ANAPC1: variants seen among roughly 807,000 people sequenced by gnomAD.
The protein encoded by ANAPC1 is anaphase promoting complex subunit 1.
Under a neutral mutation model 208.0 loss-of-function variants are expected in ANAPC1, and 36 were observed. The observed-to-expected ratio is 0.17, with a 90% confidence interval of 0.13 to 0.23. The LOEUF (loss-of-function observed/expected upper bound fraction) is 0.23. Among genes scored for constraint, ANAPC1 ranks in the 10% least tolerant of loss-of-function variants. ANAPC1 has a pLI of 1.00. For synonymous variants in ANAPC1, 378 were observed against 695.2 expected, an observed-to-expected ratio of 0.54 and a Z score of 7.18; for missense variants, 942 against 2,011.6, an observed-to-expected ratio of 0.47 and a Z score of 10.17.
At chr2:111,841,429 G>A (rs894167967) in intron 17 of ANAPC1, among the ~76,000 whole-genome samples, 1 of 122,576 alleles carries the variant, frequency 8.2e-6, no homozygotes, top group Non-Finnish European at 1.8e-5. Flanking sequence ...TATAGAGACA[G>A]GACAGGCAGC....
Position 111,850,821 on chromosome 2 carries a change from A to G in ANAPC1, c.1605T>C (p.Val535=). The G allele has an allele frequency of 6.2e-7, 1 of 1,612,030 alleles. No homozygotes were observed. Among genetic ancestry groups the G allele is most frequent in the Non-Finnish European group, 8.5e-7 (1 of 1,179,872 alleles). The change falls in exon 14 of 48, where the codon GTT becomes GTC. Residue 535 remains valine (V), a synonymous_variant. Coordinates refer to ENST00000341068, the MANE Select transcript of ANAPC1 (RefSeq NM_022662.4). ...GTTTACTAAGAGGCTTTGGAGTACTAACGCCATCTAGTGGAGTACTGGGCC... is the reference window on the plus strand; with the variant it reads ...GTTTACTAAGAGGCTTTGGAGTACTGACGCCATCTAGTGGAGTACTGGGCC... ...MPRPSTPLDG[V]STPKPLSKLL... is the part of the protein sequence containing the mutation.
chr2:111,850,964 T>C, intron 13 of ANAPC1, 54 bp from the exon 14 acceptor site: 1 of 1,560,668 alleles, frequency 6.4e-7, no homozygotes, highest in Non-Finnish European at 8.6e-7. Flanking sequence ...ATGCATCATA[T>C]CCTTAAATAA....
intron 3 of ANAPC1, among the ~76,000 whole-genome samples, chr2:111,876,840 G>T (rs1469343971): frequency 8.7e-6 from 1 of 114,616 alleles, no homozygotes; most frequent in Non-Finnish European, 2.0e-5. Flanking sequence ...CTTAACATTA[G>T]TCAAAGCCTC....
intron 18 of ANAPC1, among the ~76,000 whole-genome samples, chr2:111,837,869 G>A (rs1407667765): frequency 1.3e-5 from 2 of 152,048 alleles, no homozygotes; most frequent in Admixed American, 6.5e-5. Flanking sequence ...AAGGTCACTT[G>A]ACGTCAGGAG....
chr2:111,878,616 GTGA>G (rs1387910757), intron 3 of ANAPC1, among the ~76,000 whole-genome samples, 191 bp downstream of exon 3: 1 of 152,236 alleles, frequency 6.6e-6, no homozygotes, highest in South Asian at 2.1e-4. Context: ...TGTAAAAAAA[GTGA>G]TGATATAAAA....
intron 2 of ANAPC1, among the ~76,000 whole-genome samples, chr2:111,879,216 C>A (rs1362598653): frequency 2.6e-5 from 4 of 152,124 alleles, no homozygotes; most frequent in Non-Finnish European, 5.9e-5. Context: ...CTGCCAAAAA[C>A]AAAAACGAAC....
intron 46 of ANAPC1, among the ~76,000 whole-genome samples, chr2:111,772,940 C>T (rs1676822418): frequency 6.6e-6 from 1 of 151,054 alleles, no homozygotes; most frequent in Non-Finnish European, 1.5e-5. Context: ...CCACTCCATG[C>T]ACAGAGCACA....
intron 29 of ANAPC1, among the ~76,000 whole-genome samples, chr2:111,807,506 A>T (rs4848181): frequency 6.6e-6 from 1 of 152,012 alleles, no homozygotes; most frequent in African/African-American, 2.4e-5. Flanking sequence ...CCTGGCTAAC[A>T]CCATGAAACC....
At chr2:111,838,546 C>T (rs1391747309) in intron 17 of ANAPC1, 34 bp from the exon 18 acceptor site, 1 of 1,546,116 alleles carries the variant, frequency 6.5e-7, no homozygotes, top group Non-Finnish European at 8.8e-7. Flanking sequence ...AGATAAAAAT[C>T]GTAAATGCAT....
At chr2:111,791,519 T>C (rs911044681) in intron 38 of ANAPC1, among the ~76,000 whole-genome samples, 9 of 152,038 alleles carry the variant, frequency 5.9e-5, no homozygotes, top group Admixed American at 4.6e-4. Context: ...AGCATATCCA[T>C]CAATGGGGGA....
chr2:111,877,127 A>G (rs1186497274), intron 3 of ANAPC1, among the ~76,000 whole-genome samples: 1 of 150,818 alleles, frequency 6.6e-6, no homozygotes, highest in Non-Finnish European at 1.5e-5. Flanking sequence ...TTCTAAAAAT[A>G]AAGATGTTCT....
Position 111,880,632 on chromosome 2 carries a change from G to T in ANAPC1, c.194C>A (p.Thr65Lys). Residue 65 changes from threonine (T) to lysine (K), a missense_variant, in exon 2 of 48, where the codon ACA (threonine) becomes AAA (lysine). Transcript: ENST00000341068. ...TGGAACCTTCTGTTTCTCGTGGATT[G>T]TAACCTCCTGAAGGGATCCCACCAA... is the stretch of plus-strand genomic sequence containing the variant. ...AGLVGSLQEVTIHEKQKESWQ... is the reference protein window; with the variant it reads ...AGLVGSLQEVKIHEKQKESWQ... 1 of 1,611,960 alleles carries T rather than the reference G, an allele frequency of 6.2e-7. No homozygotes were observed. Among genetic ancestry groups the T allele is most frequent in the South Asian group, 1.1e-5 (1 of 90,960 alleles).
In ANAPC1 at chr2:111,838,474, G is replaced by A; in HGVS notation, c.2079C>T (p.Pro693=). 2 of 1,606,222 alleles carry A rather than the reference G, an allele frequency of 1.2e-6. No homozygotes were observed. ...FEGSLSPVIA[P]KKARPSETGS... is the part of the protein sequence containing the mutation. ...CAGTCTCGGAAGGCCTTGCTTTTTTGGGCGCAATGACAGGAGAAAGTGATC... is the reference window on the plus strand; with the variant it reads ...CAGTCTCGGAAGGCCTTGCTTTTTTAGGCGCAATGACAGGAGAAAGTGATC... Residue 693 remains proline, a synonymous_variant, in exon 18 of 48, where the codon CCC becomes CCT. Transcript: ENST00000341068.
chr2:111,841,339 T>C (rs1260805259), intron 17 of ANAPC1, among the ~76,000 whole-genome samples: 1 of 151,318 alleles, frequency 6.6e-6, no homozygotes, highest in Non-Finnish European at 1.5e-5. Flanking sequence ...AAGTAAAACA[T>C]ATAGTATATT....
At chr2:111,860,698 T>C (rs1573483922) in intron 10 of ANAPC1, among the ~76,000 whole-genome samples, 1 of 152,088 alleles carries the variant, frequency 6.6e-6, no homozygotes, top group Non-Finnish European at 1.5e-5. Context: ...TGACCTCTTT[T>C]GCTTTGTCTC....
At chr2:111,834,154 T>C (rs180699353) in intron 19 of ANAPC1, among the ~76,000 whole-genome samples, 33 of 152,286 alleles carry the variant, frequency 2.2e-4, no homozygotes, top group Middle Eastern at 3.4e-3. Flanking sequence ...AACACTCGCA[T>C]CCCAGGAAAG....
At chr2:111,779,054 G>A (rs1341777073) in intron 44 of ANAPC1, 1 of 208,308 alleles carries the variant, frequency 4.8e-6, no homozygotes, top group Non-Finnish European at 9.7e-6. Context: ...CTATGCCTTG[G>A]GTTGGGCTGG....
Position 111,833,247 on chromosome 2 carries a change from T to A in ANAPC1, c.2449A>T (p.Thr817Ser). ...YRDYPTLVRT[T>S]GQVCTIDPGQ... ...GGATCAATTGTGCACACTTGTCCAGTAGTTCTGACAAGCGTTGGGTAGTCT... is the reference window on the plus strand; with the variant it reads ...GGATCAATTGTGCACACTTGTCCAGAAGTTCTGACAAGCGTTGGGTAGTCT... Residue 817 changes from threonine (T) to serine (S), a missense_variant, in exon 20 of 48, where the codon ACT becomes TCT. Thr to Ser is a moderately conservative substitution (Grantham distance 58). Coordinates refer to ENST00000341068, the MANE Select transcript of ANAPC1 (RefSeq NM_022662.4). 1 of 1,600,770 alleles carries A rather than the reference T, an allele frequency of 6.2e-7. No individual in the cohort carries two copies. The highest frequency in any genetic ancestry group is 1.1e-5 in the South Asian group (1 of 90,064).
At chr2:111,831,899 C>T (rs1324427595) in intron 20 of ANAPC1, among the ~76,000 whole-genome samples, 2 of 145,222 alleles carry the variant, frequency 1.4e-5, no homozygotes, top group Non-Finnish European at 3.0e-5. Context: ...TGCCACAGTA[C>T]ATAAGGAACT....
Sources: gnomAD v4.1 joint callset for allele counts (sites outside exome capture counted in the v4.1 genomes callset) on GRCh38, gnomAD v4.1.1 for gene constraint, MANE v1.5 for transcripts, NCBI Gene and HGNC (gene_info 2026-07-23, HGNC 2026-07-21) for gene names.